Variants in WWOX observed in about 807,000 individuals in gnomAD.
WWOX encodes the protein WW domain-containing oxidoreductase.
In WWOX, 69 loss-of-function variants were observed where a neutral mutation model predicts 46.2. That is an observed-to-expected ratio of 1.49 (90% CI 1.23 to 1.82). WWOX has a LOEUF of 1.82. WWOX is among the 40% of genes most tolerant of loss of function. The pLI is 0.00. For synonymous variants in WWOX, 359 were observed against 202.6 expected (o/e 1.77, Z -6.56); for missense variants, 919 against 542.6 (o/e 1.69, Z -6.89).
At chr16:78,727,668 A>C (rs1253642141) in intron 8 of WWOX, among the ~76,000 whole-genome samples, 1 of 152,052 alleles carries the variant, frequency 6.6e-6, no homozygotes, top group Non-Finnish European at 1.5e-5. Context: ...TTTTTCCCTT[A>C]TGTCAAGCTT....
intron 8 of WWOX, among the ~76,000 whole-genome samples, chr16:78,465,439 C>T (rs545850468): frequency 6.4e-4 from 98 of 152,288 alleles, no homozygotes; most frequent in South Asian, 3.5e-3. Context: ...ATCGGCCTCC[C>T]GAAGTGCTGG....
intron 5 of WWOX, among the ~76,000 whole-genome samples, chr16:78,319,517 C>T (rs2080422563): frequency 6.6e-6 from 1 of 152,064 alleles, no homozygotes; most frequent in East Asian, 1.9e-4. Flanking sequence ...CCTCCTTGGC[C>T]TCCCAATCTG....
chr16:78,417,904 G>C (rs905513102), intron 6 of WWOX, among the ~76,000 whole-genome samples: 1 of 152,126 alleles, frequency 6.6e-6, no homozygotes, highest in Non-Finnish European at 1.5e-5. Flanking sequence ...TTTAGGTAGG[G>C]GATGGGTGGG....
intron 5 of WWOX, among the ~76,000 whole-genome samples, chr16:78,247,451 T>C (rs1007694104): frequency 2.2e-4 from 33 of 152,228 alleles, no homozygotes; most frequent in African/African-American, 7.7e-4. Flanking sequence ...GGACTCAGCA[T>C]TGGTAAGGAT....
intron 4 of WWOX, 58 bp from the exon 5 acceptor site, chr16:78,164,125 A>G (rs1008726861): frequency 1.3e-5 from 20 of 1,507,586 alleles, no homozygotes; most frequent in Admixed American, 5.4e-5. Context: ...AGGCCATTCA[A>G]CATGACTCAC....
chr16:78,849,588 A>AG lies in WWOX; in HGVS notation c.1057-362020_1057-362019insG, dbSNP rs1175962205. Among the ~76,000 whole-genome samples the AG allele has an allele frequency of 6.7e-3, 1,010 of 150,816 alleles. 9 individuals carry two copies. Among genetic ancestry groups the AG allele is most frequent in the East Asian group, 0.02 (104 of 5,104 alleles). On this transcript the variant is annotated intron_variant, in intron 8 of 8. Transcript: ENST00000566780. ...GAATCCCTCTCAAAAAAAAAAAAAA[A>AG]AAAAGAAAACAACTACAACCACATT...
intron 8 of WWOX, among the ~76,000 whole-genome samples, chr16:78,969,928 G>T (rs2046438263): frequency 6.6e-6 from 1 of 152,164 alleles, no homozygotes; most frequent in Non-Finnish European, 1.5e-5. Flanking sequence ...AAAGTTGATT[G>T]TGGAAATTCT....
intron 8 of WWOX, among the ~76,000 whole-genome samples, chr16:78,650,412 C>A (rs924291736): frequency 1.2e-4 from 18 of 152,152 alleles, no homozygotes; most frequent in African/African-American, 4.3e-4. Context: ...CATTTTGTCA[C>A]CTGTGTGAAA....
intron 8 of WWOX, among the ~76,000 whole-genome samples, chr16:78,580,994 G>T (rs1332391481): frequency 2.0e-5 from 3 of 152,036 alleles, no homozygotes; most frequent in Admixed American, 6.6e-5. Flanking sequence ...CAACAAAAAA[G>T]TATATCTGTG....
intron 8 of WWOX, among the ~76,000 whole-genome samples, chr16:78,867,484 T>TTGTGTG (rs4035599): frequency 0.015 from 2,181 of 148,964 alleles, 30 homozygotes; most frequent in African/African-American, 0.027. Flanking sequence ...TTAAATGATT[T>TTGTGTG]TGTGTGTGTG....
chr16:79,076,711 G>T (rs2048664164), intron 8 of WWOX, among the ~76,000 whole-genome samples: 1 of 152,200 alleles, frequency 6.6e-6, no homozygotes, highest in African/African-American at 2.4e-5. Flanking sequence ...CCCCACTTAG[G>T]TGTTATGTGA....
chr16:78,144,674 C>T (rs2034138377), intron 4 of WWOX, among the ~76,000 whole-genome samples: 1 of 150,168 alleles, frequency 6.7e-6, no homozygotes, highest in African/African-American at 2.5e-5. Context: ...GTGCACGCTA[C>T]CATGCCCGGC....
At chr16:79,152,782 A>G (rs1204117236) in intron 8 of WWOX, among the ~76,000 whole-genome samples, 1 of 152,124 alleles carries the variant, frequency 6.6e-6, no homozygotes, top group African/African-American at 2.4e-5. Context: ...CAGTGCAGCT[A>G]ACATCTAGCA....
chr16:78,144,443 A>ATACG (rs1555543019), intron 4 of WWOX, among the ~76,000 whole-genome samples: 193 of 19,268 alleles, frequency 0.01, 19 homozygotes, highest in East Asian at 0.018. Flanking sequence ...ATATATATAT[A>ATACG]TATACACATA....
chr16:78,106,505 C>T (rs777691391), intron 1 of WWOX, among the ~76,000 whole-genome samples: 1 of 149,894 alleles, frequency 6.7e-6, no homozygotes, highest in Non-Finnish European at 1.5e-5. Flanking sequence ...CAGCCTCTGC[C>T]TGCCGGGTTG....
rs557008978 is a variant in WWOX at position 78,391,256 on chromosome 16, G to C, written c.605+4308G>C. 9.8e-5 allele frequency among the ~76,000 whole-genome samples: 15 copies of C among 152,292 alleles called. No individual in the cohort carries two copies. In the South Asian group the frequency reaches 2.9e-3, roughly 29 times the overall value. On this transcript the variant is annotated intron_variant, in intron 6 of 8. Transcript: ENST00000566780. Reference sequence around the variant, plus strand: ...CCTAACCATGATTATGTAAACAATAGCTGCTAGGCAACTTGTTGTTTGTTT... The same window carrying C: ...CCTAACCATGATTATGTAAACAATACCTGCTAGGCAACTTGTTGTTTGTTT...
intron 8 of WWOX, among the ~76,000 whole-genome samples, chr16:78,579,061 G>GT (rs1476038517): frequency 4.6e-5 from 7 of 151,788 alleles, no homozygotes; most frequent in African/African-American, 7.3e-5. Flanking sequence ...TTGTTTGTTT[G>GT]TTTTTTCTTG....
At chr16:78,495,056 A>G (rs7200796) in intron 8 of WWOX, among the ~76,000 whole-genome samples, 112,882 of 152,040 alleles carry the variant, frequency 0.74, 44,279 homozygotes, top group Admixed American at 0.86. Context: ...TCATTGATTT[A>G]TATTTTTAAA....
intron 8 of WWOX, among the ~76,000 whole-genome samples, chr16:78,669,375 T>G (rs1370253696): frequency 6.6e-6 from 1 of 152,178 alleles, no homozygotes; most frequent in Non-Finnish European, 1.5e-5. Flanking sequence ...ACTAGAATGG[T>G]AGGATCCAGG....
Sources: gnomAD v4.1 joint callset for allele counts (sites outside exome capture counted in the v4.1 genomes callset) on GRCh38, gnomAD v4.1.1 for gene constraint, MANE v1.5 for transcripts, NCBI Gene and HGNC (gene_info 2026-07-23, HGNC 2026-07-21) for gene names.